PAPPA2: variants seen among roughly 807,000 people sequenced by gnomAD.
PAPPA2 encodes pappalysin 2.
PAPPA2 carries 86 observed loss-of-function variants against 176.4 expected under a neutral mutation model. That is an observed-to-expected ratio of 0.49 (90% CI 0.41 to 0.58). The LOEUF is 0.58. Ranked by LOEUF, PAPPA2 falls within the 20% of genes least tolerant of loss-of-function variation. The pLI is 0.00. For missense variants in PAPPA2, 2,073 were observed against 2,256.9 expected (o/e 0.92, Z 1.65); for synonymous variants, 809 against 852.2 (o/e 0.95, Z 0.88).
chr1:176,639,157 A>C (rs1460058904), intron 3 of PAPPA2, among the ~76,000 whole-genome samples: 2 of 152,072 alleles, frequency 1.3e-5, no homozygotes, highest in African/African-American at 4.8e-5. Flanking sequence ...GAAAAAAACT[A>C]GGATGAACTC....
chr1:176,562,663 T>C (rs1314618049), intron 2 of PAPPA2, among the ~76,000 whole-genome samples: 1 of 152,186 alleles, frequency 6.6e-6, no homozygotes, highest in Non-Finnish European at 1.5e-5. Context: ...GGACGACCCA[T>C]GGATGTGAGG....
chr1:176,816,697 T>G (rs1666420026), intron 21 of PAPPA2, among the ~76,000 whole-genome samples: 1 of 152,124 alleles, frequency 6.6e-6, no homozygotes, highest in Non-Finnish European at 1.5e-5. Flanking sequence ...CAAATTCAAG[T>G]GTTCACACTT....
At chr1:176,705,433 T>C (rs1660837042) in intron 9 of PAPPA2, among the ~76,000 whole-genome samples, 1 of 152,054 alleles carries the variant, frequency 6.6e-6, no homozygotes, top group Non-Finnish European at 1.5e-5. Flanking sequence ...ATTAGAGCTA[T>C]TTATGATGTT....
chr1:176,478,165 G>T (rs1652227114), intron 1 of PAPPA2, among the ~76,000 whole-genome samples: 1 of 152,212 alleles, frequency 6.6e-6, no homozygotes, highest in African/African-American at 2.4e-5. Flanking sequence ...TATGGGTCAG[G>T]AGCCATCAAA....
intron 12 of PAPPA2, among the ~76,000 whole-genome samples, chr1:176,732,349 C>T (rs1662199900): frequency 6.6e-6 from 1 of 152,112 alleles, no homozygotes; most frequent in Non-Finnish European, 1.5e-5. Context: ...TTGTTTTTAC[C>T]ATTAACCAGT....
At chr1:176,517,117 C>T (rs752893262) in intron 1 of PAPPA2, among the ~76,000 whole-genome samples, 26 of 152,110 alleles carry the variant, frequency 1.7e-4, no homozygotes, top group South Asian at 4.1e-4. Flanking sequence ...TCCGCAAAAA[C>T]CAGGAAAAAA....
At chr1:176,652,930 T>G (rs1300014417) in intron 3 of PAPPA2, among the ~76,000 whole-genome samples, 1 of 151,714 alleles carries the variant, frequency 6.6e-6, no homozygotes, top group African/African-American at 2.4e-5. Context: ...TCATTTTGGT[T>G]CTGGGACATT....
chr1:176,799,936 A>C lies in PAPPA2; in HGVS notation c.5131-125A>C, dbSNP rs140793070. The C allele has an allele frequency of 4.0e-3, 3,655 of 920,834 alleles. 24 individuals are homozygous for C. The highest frequency in any genetic ancestry group is 5.4e-3 in the Non-Finnish European group (3,180 of 585,104). The allele number at this position is 920,834 out of a possible 1,614,324, so 57.0% of individuals were successfully genotyped here. A position where few individuals can be genotyped will look rare whatever the true frequency, so the allele number is the denominator to read the frequency against. Reference sequence around the variant, plus strand: ...ATAGCCCCAATCCACTTTATGGGACACAATTAGAAACTAGCTGCTTGAGAA... The same window carrying C: ...ATAGCCCCAATCCACTTTATGGGACCCAATTAGAAACTAGCTGCTTGAGAA... On this transcript the variant is annotated intron_variant, in intron 20 of 22. Transcript: ENST00000367662.
intron 1 of PAPPA2, among the ~76,000 whole-genome samples, chr1:176,479,795 A>C (rs1214526345): frequency 6.6e-6 from 1 of 152,224 alleles, no homozygotes; most frequent in Non-Finnish European, 1.5e-5. Context: ...TTCTCCAAGC[A>C]CTGCAGTCAG....
rs186838113 is a variant in PAPPA2, at chr1:176,719,794, C to G, written c.3798+7813C>G. On this transcript the variant is annotated intron_variant, in intron 12 of 22. Coordinates refer to ENST00000367662, the MANE Select transcript of PAPPA2 (RefSeq NM_020318.3). ...TTCATTTATTTGCTACGTGTTCATCCTTTTTAGCCAATTCCCTCTTTTGAT... is the reference window on the plus strand; with the variant it reads ...TTCATTTATTTGCTACGTGTTCATCGTTTTTAGCCAATTCCCTCTTTTGAT... Among the ~76,000 whole-genome samples, 3 of 152,174 alleles carry G rather than the reference C, an allele frequency of 2.0e-5. No homozygotes were observed. The East Asian group carries it at 5.8e-4, about 29-fold the overall frequency.
chr1:176,728,416 A>G (rs1661981665), intron 12 of PAPPA2, among the ~76,000 whole-genome samples: 1 of 151,936 alleles, frequency 6.6e-6, no homozygotes, highest in Non-Finnish European at 1.5e-5. Flanking sequence ...CAAAAATGAA[A>G]GTATCTCAGT....
chr1:176,691,443 AG>A, intron 5 of PAPPA2, among the ~76,000 whole-genome samples: 1 of 152,292 alleles, frequency 6.6e-6, no homozygotes, highest in Admixed American at 6.5e-5. Context: ...TCCCCCATCA[AG>A]GGGCAGAAAC....
chr1:176,585,684 T>C (rs1653262648), intron 2 of PAPPA2, among the ~76,000 whole-genome samples: 1 of 151,506 alleles, frequency 6.6e-6, no homozygotes, highest in Admixed American at 6.6e-5. Flanking sequence ...CTTTAAAATA[T>C]ATTTTTTTTG....
intron 2 of PAPPA2, among the ~76,000 whole-genome samples, chr1:176,591,768 A>G (rs1168298639): frequency 6.6e-6 from 1 of 152,196 alleles, no homozygotes; most frequent in African/African-American, 2.4e-5. Flanking sequence ...ACAAGTATGT[A>G]TCACTGTTGC....
rs143115807 is a variant in PAPPA2 at position 176,819,878 on chromosome 1, T to A, written c.5202+19746T>A. Among the ~76,000 whole-genome samples, 179 of 152,330 alleles carry A rather than the reference T, an allele frequency of 1.2e-3. 2 individuals carry two copies. In the East Asian group the frequency reaches 0.03, roughly 26 times the overall value. On this transcript the variant is annotated intron_variant, in intron 21 of 22. Transcript: ENST00000367662. ...ACTAGTTTTTGCATCTCTTTGAATC[T>A]ACTTGAGTGCAGGCCCCCAAACTGG...
chr1:176,639,723 T>A (rs1656954841), intron 3 of PAPPA2, among the ~76,000 whole-genome samples: 1 of 151,652 alleles, frequency 6.6e-6, no homozygotes, highest in Non-Finnish European at 1.5e-5. Context: ...TTCTTTCTTT[T>A]TTTTTTTTGA....
At chr1:176,816,854 C>T (rs552814021) in intron 21 of PAPPA2, among the ~76,000 whole-genome samples, 1 of 152,226 alleles carries the variant, frequency 6.6e-6, no homozygotes, top group South Asian at 2.1e-4. Context: ...TGTTTTTTCT[C>T]TCTGTTGTCT....
chr1:176,490,646 G>A (rs981184358), intron 1 of PAPPA2, among the ~76,000 whole-genome samples: 2 of 152,086 alleles, frequency 1.3e-5, no homozygotes, highest in African/African-American at 2.4e-5. Context: ...TAGTTGATGC[G>A]GATTGCTCAG....
intron 1 of PAPPA2, among the ~76,000 whole-genome samples, chr1:176,480,541 G>C (rs533146060): frequency 6.6e-6 from 1 of 152,114 alleles, no homozygotes; most frequent in African/African-American, 2.4e-5. Context: ...CATGGAGGCG[G>C]GAAGGCTGGA....
Sources: allele counts gnomAD v4.1 joint callset (sites outside exome capture counted in the v4.1 genomes callset), GRCh38; gene constraint gnomAD v4.1.1; transcripts MANE v1.5; gene names NCBI Gene and HGNC (gene_info 2026-07-23, HGNC 2026-07-21).